The following PTP4A1 variants were observed in gnomAD, a reference collection of about 807,000 sequenced individuals.
PTP4A1 encodes the protein protein tyrosine phosphatase type IVA 1.
In PTP4A1, 9 loss-of-function variants were observed where a neutral mutation model predicts 20.5. The observed-to-expected ratio is 0.44, with a 90% CI of 0.26 to 0.77. The LOEUF (loss-of-function observed/expected upper bound fraction) is 0.77. PTP4A1 is among the 30% of genes least tolerant of loss of function. The pLI is 0.19. For missense variants in PTP4A1, 137 were observed against 218.8 expected (o/e 0.63, Z 2.36); for synonymous variants, 78 against 67.4 (o/e 1.16, Z -0.77).
In PTP4A1 at chr6:63,554,741, C is replaced by T. The variant is rs148661592; in HGVS notation, c.-446+4248C>T. Reference sequence around the variant, plus strand: ...GGCAGAGGTTGCAGTGAGCTGAAATCGCACCACTACACTCTAGCCTGGGTG... The same window carrying T: ...GGCAGAGGTTGCAGTGAGCTGAAATTGCACCACTACACTCTAGCCTGGGTG... On this transcript the variant is annotated intron_variant, in intron 3 of 3. Coordinates refer to the PTP4A1 transcript ENST00000639568. Among the ~76,000 whole-genome samples the T allele has an allele frequency of 7.2e-3, 1,091 of 152,238 alleles. 8 individuals carry two copies. Among genetic ancestry groups the T allele is most frequent in the African/African-American group, 0.025 (1,046 of 41,536 alleles).
chr6:63,575,701 A>G (rs1334194431), intron 1 of PTP4A1, among the ~76,000 whole-genome samples: 3 of 152,166 alleles, frequency 2.0e-5, no homozygotes, highest in Non-Finnish European at 2.9e-5. Context: ...CTTTACAGTT[A>G]TAAATGAGAG....
At chr6:63,539,954 A>G (rs868028923) in intron 2 of PTP4A1, among the ~76,000 whole-genome samples, 9 of 152,328 alleles carry the variant, frequency 5.9e-5, no homozygotes, top group Middle Eastern at 3.4e-3. Flanking sequence ...GATAATGCCA[A>G]GTGTTGGAGG....
chr6:63,578,515 G>C lies in PTP4A1; in HGVS notation c.184G>C (p.Gly62Arg). The change falls in exon 3 of 6, where the codon GGT (glycine) becomes CGT (arginine). Residue 62 changes from glycine (G) to arginine (R), a missense_variant. Transcript: ENST00000626021. ...TGACACTACTCTTGTGGAGAAAGAA[G>C]GTATCCATGTTCTTGTAAGTATTTA... ...TYDTTLVEKEGIHVLDWPFDD... is the reference protein window; with the variant it reads ...TYDTTLVEKERIHVLDWPFDD... 6.2e-7 allele frequency: 1 copy of C among 1,611,210 alleles called. No homozygotes were observed. The highest frequency in any genetic ancestry group is 8.5e-7 in the Non-Finnish European group (1 of 1,179,070).
chr6:63,525,833 T>G (rs532251862), intron 1 of PTP4A1, among the ~76,000 whole-genome samples: 2 of 152,322 alleles, frequency 1.3e-5, no homozygotes, highest in African/African-American at 4.8e-5. Context: ...CTTAAAATAG[T>G]TGGTGTGGTT....
chr6:63,534,062 A>G (rs1775594270), intron 2 of PTP4A1, among the ~76,000 whole-genome samples: 1 of 152,034 alleles, frequency 6.6e-6, no homozygotes, highest in Non-Finnish European at 1.5e-5. Context: ...AGGCTAGTCT[A>G]GAAATTCTGG....
upstream of PTP4A1, among the ~76,000 whole-genome samples, chr6:63,519,743 T>C (rs1774854907): frequency 6.6e-6 from 1 of 152,254 alleles, no homozygotes; most frequent in Non-Finnish European, 1.5e-5. Context: ...AATTCAATGT[T>C]AAAACTATAG....
chr6:63,574,024 C>G (rs930720524), intron 1 of PTP4A1, among the ~76,000 whole-genome samples: 15 of 152,154 alleles, frequency 9.9e-5, no homozygotes, highest in Non-Finnish European at 1.5e-5. Context: ...AGCCCCCTAC[C>G]AGTCCACGAG....
intron 2 of PTP4A1, among the ~76,000 whole-genome samples, chr6:63,577,432 T>A (rs1029690755): frequency 1.3e-5 from 2 of 152,234 alleles, no homozygotes; most frequent in African/African-American, 4.8e-5. Flanking sequence ...TCTACCTGCC[T>A]CTTTTTACTA....
At chr6:63,518,449 A>C (rs1026565607), upstream of PTP4A1, among the ~76,000 whole-genome samples, 2 of 152,224 alleles carry the variant, frequency 1.3e-5, no homozygotes, top group Non-Finnish European at 2.9e-5. Context: ...CAAACAAAGG[A>C]GTAGCAATGG....
intron 2 of PTP4A1, 134 bp downstream of exon 2, chr6:63,577,119 A>T: frequency 1.5e-6 from 1 of 678,908 alleles, no homozygotes; most frequent in Non-Finnish European, 2.5e-6. Context: ...AATAAATGTC[A>T]ATGTCTTCTA....
At chr6:63,573,857 A>C (rs920684906) in intron 1 of PTP4A1, among the ~76,000 whole-genome samples, 9 of 152,074 alleles carry the variant, frequency 5.9e-5, no homozygotes, top group Non-Finnish European at 1.0e-4. Context: ...TTCCCCTGCC[A>C]ATTTTGGAAG....
intron 3 of PTP4A1, among the ~76,000 whole-genome samples, chr6:63,558,015 G>A (rs1194839739): frequency 6.6e-6 from 1 of 151,892 alleles, no homozygotes; most frequent in African/African-American, 2.4e-5. Flanking sequence ...GTGACTACAG[G>A]CACCCACCAC....
chr6:63,532,286 T>A (rs947295795), intron 2 of PTP4A1, among the ~76,000 whole-genome samples: 41 of 152,362 alleles, frequency 2.7e-4, no homozygotes, highest in African/African-American at 9.6e-4. Context: ...AGGAATATTG[T>A]CAAATTTTGG....
upstream of PTP4A1, chr6:63,570,924 C>T (rs1309656614): frequency 6.6e-6 from 1 of 152,056 alleles, no homozygotes; most frequent in Non-Finnish European, 1.5e-5. Flanking sequence ...GACATGAGTT[C>T]CCCAGCCTGC....
At chr6:63,535,660 G>C (rs1046626095) in intron 2 of PTP4A1, among the ~76,000 whole-genome samples, 1 of 152,118 alleles carries the variant, frequency 6.6e-6, no homozygotes, top group African/African-American at 2.4e-5. Flanking sequence ...GTAATACTTA[G>C]AGCAACATCA....
chr6:63,526,837 T>A (rs545084947), intron 1 of PTP4A1, among the ~76,000 whole-genome samples: 2,533 of 86,882 alleles, frequency 0.029, 24 homozygotes, highest in Non-Finnish European at 0.043. Context: ...ATATATATAT[T>A]TATTTATTTA....
chr6:63,566,915 G>T (rs1777215439), intron 3 of PTP4A1, among the ~76,000 whole-genome samples: 1 of 152,216 alleles, frequency 6.6e-6, no homozygotes, highest in African/African-American at 2.4e-5. Context: ...TTTCAACAAT[G>T]CTTACGGCAT....
chr6:63,570,203 T>C (rs548310508), upstream of PTP4A1, among the ~76,000 whole-genome samples: 1 of 152,252 alleles, frequency 6.6e-6, no homozygotes, highest in African/African-American at 2.4e-5. Flanking sequence ...TGGTGGCAGG[T>C]GGCTGTAATC....
intron 2 of PTP4A1, among the ~76,000 whole-genome samples, chr6:63,533,100 G>A (rs1775544642): frequency 6.6e-6 from 1 of 152,184 alleles, no homozygotes; most frequent in Admixed American, 6.5e-5. Flanking sequence ...AAAACAATAA[G>A]GCTGGGCGAG....
Sources: allele counts gnomAD v4.1 joint callset (sites outside exome capture counted in the v4.1 genomes callset), GRCh38; gene constraint gnomAD v4.1.1; transcripts MANE v1.5; gene names NCBI Gene and HGNC (gene_info 2026-07-23, HGNC 2026-07-21).